Variants in B3GAT2 observed in about 807,000 individuals in gnomAD.
B3GAT2 encodes the protein galactosylgalactosylxylosylprotein 3-beta-glucuronosyltransferase 2.
A neutral mutation model predicts 27.8 loss-of-function variants in B3GAT2; 26 were observed. That is an observed-to-expected ratio of 0.93 (90% CI 0.68 to 1.30). The LOEUF (loss-of-function observed/expected upper bound fraction) is 1.30. Among genes scored for constraint, B3GAT2 ranks in the 50% most tolerant of loss-of-function variants. The probability of loss-of-function intolerance (pLI) is 0.00; values close to 1 mark genes in which losing one functional copy is unlikely to be tolerated. For missense variants in B3GAT2, 458 were observed against 459.0 expected (o/e 1.00, Z 0.02); for synonymous variants, 218 against 195.1 (o/e 1.12, Z -0.98).
chr6:70,903,166 GAAC>G (rs1396505764), intron 1 of B3GAT2, among the ~76,000 whole-genome samples: 4 of 151,406 alleles, frequency 2.6e-5, no homozygotes, highest in South Asian at 2.1e-4. Flanking sequence ...GAAAGAAAAA[GAAC>G]AACACCTATA....
At chr6:70,946,307 C>G (rs1005510293) in intron 1 of B3GAT2, among the ~76,000 whole-genome samples, 1 of 151,980 alleles carries the variant, frequency 6.6e-6, no homozygotes, top group Non-Finnish European at 1.5e-5. Context: ...AGAGTCAAGA[C>G]CCATCAGTGT....
At chr6:70,871,798 A>T (rs1351526082) in intron 2 of B3GAT2, among the ~76,000 whole-genome samples, 3 of 151,144 alleles carry the variant, frequency 2.0e-5, no homozygotes, top group African/African-American at 7.3e-5. Context: ...TAGGTTATTG[A>T]TTTGAGATCT....
At chr6:70,918,656 C>A (rs1772816496) in intron 1 of B3GAT2, among the ~76,000 whole-genome samples, 2 of 152,120 alleles carry the variant, frequency 1.3e-5, no homozygotes, top group South Asian at 4.1e-4. Flanking sequence ...ACTTATGAAG[C>A]TTAGTTTGGC....
rs773616693 is a variant in B3GAT2 at position 70,861,704 on chromosome 6, C to T, written c.931G>A (p.Glu311Lys). ...TRTEKVNLAN[E>K]PKYHLDTVKI... Reference sequence around the variant, plus strand: ...ACTGTGTCCAGGTGGTACTTTGGCTCGTTGGCTAGATTAACCTTCTCTGTC... The same window carrying T: ...ACTGTGTCCAGGTGGTACTTTGGCTTGTTGGCTAGATTAACCTTCTCTGTC... Residue 311 changes from glutamate (E) to lysine (K), a missense_variant, in exon 4 of 4, where the codon GAG becomes AAG. Transcript: ENST00000230053. 3.1e-6 allele frequency: 5 copies of T among 1,613,970 alleles called. No homozygotes were observed. The highest frequency in any genetic ancestry group is 3.4e-6 in the Non-Finnish European group (4 of 1,179,986).
rs1771698472 is a variant in B3GAT2 at position 70,861,002 on chromosome 6, CT to C, written c.*660del. 6.7e-6 allele frequency: 2 copies of C among 299,334 alleles called. No individual in the cohort carries two copies. The highest frequency in any genetic ancestry group is 1.2e-5 in the Non-Finnish European group (2 of 162,952). The allele number at this position is 299,334 out of a possible 1,614,324, so 18.5% of individuals were successfully genotyped here. A position where few individuals can be genotyped will look rare whatever the true frequency, so the allele number is the denominator to read the frequency against. ...ATGTACATAGTGCTAACATGAAGAC[CT>C]TTTTCTGCACTATATGCAAACAGGG... On this transcript the variant is annotated 3_prime_UTR_variant, in exon 4 of 4. Coordinates refer to ENST00000230053, the MANE Select transcript of B3GAT2 (RefSeq NM_080742.3).
chr6:70,914,875 T>C (rs1378720506), intron 1 of B3GAT2, among the ~76,000 whole-genome samples: 1 of 152,226 alleles, frequency 6.6e-6, no homozygotes. Context: ...TATGTGTGCA[T>C]GTGTCCTTAT....
intron 1 of B3GAT2, among the ~76,000 whole-genome samples, chr6:70,905,087 T>C (rs1489121790): frequency 6.6e-6 from 1 of 152,246 alleles, no homozygotes; most frequent in African/African-American, 2.4e-5. Context: ...CAATTTTGTC[T>C]TTGTGTGAAC....
chr6:70,890,904 C>G (rs1772277490), intron 2 of B3GAT2, among the ~76,000 whole-genome samples: 1 of 152,250 alleles, frequency 6.6e-6, no homozygotes, highest in South Asian at 2.1e-4. Flanking sequence ...AATAATAAGG[C>G]ACATGCCAAT....
chr6:70,879,890 G>A (rs1772072783), intron 2 of B3GAT2, among the ~76,000 whole-genome samples: 1 of 152,186 alleles, frequency 6.6e-6, no homozygotes, highest in Admixed American at 6.5e-5. Flanking sequence ...TAACTTGAGC[G>A]AGGCTCGGGG....
At position 70,956,653 on chromosome 6, in the gene B3GAT2, G is replaced by A; in HGVS notation, c.-224C>T. 1 of 1,402,388 alleles carries A rather than the reference G, an allele frequency of 7.1e-7. No individual in the cohort carries two copies. The highest frequency in any genetic ancestry group is 9.2e-7 in the Non-Finnish European group (1 of 1,082,868). 86.9% of individuals were successfully genotyped at this position (1,402,388 alleles called of 1,614,324 possible). A position where few individuals can be genotyped will look rare whatever the true frequency, so the allele number is the denominator to read the frequency against. On this transcript the variant is annotated 5_prime_UTR_variant, in exon 1 of 4. Transcript: ENST00000230053. ...AGAGCGACAAGGGGTGCAGGCGGGC[G>A]GGCAGGGGCTGCCCCCGACTCCAGG...
intron 1 of B3GAT2, among the ~76,000 whole-genome samples, chr6:70,943,129 G>C (rs1251080102): frequency 2.0e-5 from 3 of 152,180 alleles, no homozygotes; most frequent in Non-Finnish European, 4.4e-5. Context: ...GAACATGGCT[G>C]TCCTCCTCAG....
At chr6:70,923,643 G>A (rs763149962) in intron 1 of B3GAT2, among the ~76,000 whole-genome samples, 36 of 152,144 alleles carry the variant, frequency 2.4e-4, no homozygotes, top group Non-Finnish European at 4.6e-4. Context: ...CAATCTGGGC[G>A]ACAGAGTCAG....
chr6:70,936,492 C>T (rs1296604680), intron 1 of B3GAT2, among the ~76,000 whole-genome samples: 1 of 151,998 alleles, frequency 6.6e-6, no homozygotes, highest in Non-Finnish European at 1.5e-5. Context: ...AAATTGACCA[C>T]ATAGTTGGAA....
chr6:70,895,068 A>G (rs1444526505), intron 1 of B3GAT2, among the ~76,000 whole-genome samples: 2 of 152,204 alleles, frequency 1.3e-5, no homozygotes, highest in Admixed American at 6.5e-5. Context: ...GCATCTTAGC[A>G]TAAACTAGAA....
In B3GAT2 at chr6:70,858,388, A is replaced by G; in HGVS notation, c.*3275T>C. 1 of 601,396 alleles carries G rather than the reference A, an allele frequency of 1.7e-6. No individual in the cohort carries two copies. Among genetic ancestry groups the G allele is most frequent in the Non-Finnish European group, 2.6e-6 (1 of 377,752 alleles). 37.3% of individuals were successfully genotyped at this position (601,396 alleles called of 1,614,324 possible). A position where few individuals can be genotyped will look rare whatever the true frequency, so the allele number is the denominator to read the frequency against. ...AGGGTCAAAAGTATCTATAAATATT[A>G]TGAAGTTGTATCAGATAGACAAATG... is the stretch of plus-strand genomic sequence containing the variant. On this transcript the variant is annotated 3_prime_UTR_variant, in exon 4 of 4. Transcript: ENST00000230053.
At chr6:70,909,470 A>G (rs535238545) in intron 1 of B3GAT2, among the ~76,000 whole-genome samples, 1 of 152,314 alleles carries the variant, frequency 6.6e-6, no homozygotes, top group South Asian at 2.1e-4. Context: ...TTAAAAATAT[A>G]TACACTGGAG....
intron 1 of B3GAT2, among the ~76,000 whole-genome samples, chr6:70,944,356 C>T (rs971148254): frequency 3.3e-5 from 5 of 152,116 alleles, no homozygotes; most frequent in African/African-American, 7.2e-5. Context: ...CCTGGAAAAT[C>T]GGGTCACTCC....
chr6:70,903,022 T>C (rs1482269615), intron 1 of B3GAT2, among the ~76,000 whole-genome samples: 1 of 152,116 alleles, frequency 6.6e-6, no homozygotes, highest in East Asian at 1.9e-4. Context: ...CTGAGACAGA[T>C]TTTTAAGTGT....
chr6:70,952,308 A>C (rs1765590191), intron 1 of B3GAT2, among the ~76,000 whole-genome samples: 2 of 152,100 alleles, frequency 1.3e-5, no homozygotes, highest in South Asian at 2.1e-4. Flanking sequence ...TTATTTCATT[A>C]ACTTCAAAAT....
Sources: allele counts gnomAD v4.1 joint callset (sites outside exome capture counted in the v4.1 genomes callset), GRCh38; gene constraint gnomAD v4.1.1; transcripts MANE v1.5; gene names NCBI Gene and HGNC (gene_info 2026-07-23, HGNC 2026-07-21).